ADGRV1: variants seen among roughly 807,000 people sequenced by gnomAD.
ADGRV1 encodes the protein adhesion G protein-coupled receptor V1, also known as G-protein coupled receptor 98.
A neutral mutation model predicts 596.2 loss-of-function variants in ADGRV1; 359 were observed. The observed-to-expected ratio is 0.60, with a 90% CI of 0.55 to 0.66. The LOEUF is 0.66. ADGRV1 is among the 30% of genes least tolerant of loss of function. The pLI, the probability that ADGRV1 is intolerant of heterozygous loss-of-function variation, is 0.00. For missense variants in ADGRV1, 7,274 were observed against 7,575.6 expected, an observed-to-expected ratio of 0.96 and a Z score of 1.48; for synonymous variants, 2,681 against 2,679.2, an observed-to-expected ratio of 1.00 and a Z score of -0.02.
chr5:90,564,246 C>G (rs1268475432), intron 1 of ADGRV1, among the ~76,000 whole-genome samples: 4 of 152,132 alleles, frequency 2.6e-5, no homozygotes, highest in Non-Finnish European at 5.9e-5. Flanking sequence ...TTTTATTTAA[C>G]TAATTTCAAC....
intron 87 of ADGRV1, among the ~76,000 whole-genome samples, chr5:91,122,554 A>G (rs376767588): frequency 6.6e-6 from 1 of 152,206 alleles, no homozygotes; most frequent in East Asian, 1.9e-4. Flanking sequence ...CTTTTTGGGA[A>G]AATTATTTTG....
intron 86 of ADGRV1, among the ~76,000 whole-genome samples, chr5:91,099,090 T>A (rs1334277120): frequency 1.3e-5 from 2 of 152,240 alleles, no homozygotes; most frequent in East Asian, 3.8e-4. Context: ...AATCTTAATG[T>A]ATATTTTCTT....
intron 83 of ADGRV1, among the ~76,000 whole-genome samples, chr5:90,894,613 C>T (rs1416281582): frequency 6.6e-6 from 1 of 152,154 alleles, no homozygotes; most frequent in Non-Finnish European, 1.5e-5. Context: ...CAGCAGTCAC[C>T]GACTCTGCAA....
At chr5:91,096,001 C>G (rs1024176533) in intron 86 of ADGRV1, among the ~76,000 whole-genome samples, 1 of 152,076 alleles carries the variant, frequency 6.6e-6, no homozygotes, top group Non-Finnish European at 1.5e-5. Context: ...CTCAGGTGAT[C>G]CCCCCACCTC....
In ADGRV1 at chr5:90,697,432, A is replaced by G. The variant is rs113994422; in HGVS notation, c.8155+286A>G. On this transcript the variant is annotated intron_variant, in intron 34 of 89. Transcript: ENST00000405460. ...GTTTTCCCATTTGTTAAATGATTCA[A>G]AATATTACTTCATAGGTTTCTTTGT... Among the ~76,000 whole-genome samples, 1,100 of 150,818 alleles carry G rather than the reference A, an allele frequency of 7.3e-3. 16 individuals carry two copies. Among genetic ancestry groups the G allele is most frequent in the African/African-American group, 0.026 (1,060 of 40,202 alleles).
At chr5:90,815,590 A>G (rs934520122) in intron 74 of ADGRV1, 29 bp from the exon 75 acceptor site, 4 of 1,228,332 alleles carry the variant, frequency 3.3e-6, no homozygotes, top group Non-Finnish European at 4.7e-6. Flanking sequence ...ATTCTTGAAT[A>G]TATTATAGCC....
intron 84 of ADGRV1, among the ~76,000 whole-genome samples, chr5:90,979,935 A>C (rs897325944): frequency 3.3e-5 from 5 of 152,208 alleles, no homozygotes; most frequent in Admixed American, 3.3e-4. Context: ...CATCTATATA[A>C]CTTATTATTC....
chr5:90,701,639 T>C (rs1010954823), intron 34 of ADGRV1, among the ~76,000 whole-genome samples: 10 of 152,006 alleles, frequency 6.6e-5, no homozygotes, highest in African/African-American at 2.4e-4. Context: ...AATTATATTT[T>C]TGCAGTATTT....
At chr5:90,959,637 C>T (rs536364163) in intron 83 of ADGRV1, among the ~76,000 whole-genome samples, 11 of 151,834 alleles carry the variant, frequency 7.2e-5, no homozygotes, top group Non-Finnish European at 1.5e-4. Flanking sequence ...TTAGAGAGTC[C>T]AGAAATAGAC....
chr5:90,844,557 A>G (rs1423834618), intron 78 of ADGRV1, among the ~76,000 whole-genome samples: 2 of 152,250 alleles, frequency 1.3e-5, no homozygotes, highest in East Asian at 1.9e-4. Context: ...AAATATTTTA[A>G]AAGCTCTTAG....
chr5:91,151,999 G>A (rs1057485299), intron 88 of ADGRV1, among the ~76,000 whole-genome samples: 3 of 152,216 alleles, frequency 2.0e-5, no homozygotes, highest in African/African-American at 7.2e-5. Flanking sequence ...GGCAGTAGCT[G>A]TAACCTGTCT....
intron 85 of ADGRV1, among the ~76,000 whole-genome samples, chr5:91,057,481 C>T (rs1018215256): frequency 1.3e-5 from 2 of 152,110 alleles, no homozygotes; most frequent in African/African-American, 4.8e-5. Flanking sequence ...AAGGAGACAG[C>T]CTTACATTGT....
At chr5:90,994,440 A>G (rs1781243889) in intron 85 of ADGRV1, among the ~76,000 whole-genome samples, 1 of 152,008 alleles carries the variant, frequency 6.6e-6, no homozygotes, top group African/African-American at 2.4e-5. Context: ...GATATTTTCT[A>G]TTTGATGTCA....
Position 90,703,755 on chromosome 5 carries a change from T to G in ADGRV1, c.8246T>G (p.Leu2749Arg), listed in dbSNP as rs1411506372. 6.2e-7 allele frequency: 1 copy of G among 1,603,598 alleles called. No individual in the cohort carries two copies. Among genetic ancestry groups the G allele is most frequent in the Admixed American group, 1.7e-5 (1 of 58,742 alleles). Reference sequence around the variant, plus strand: ...AAAATTATTGGGCAAAATCTAGAACTCAATTTTGCTAACTTTAGCGGACAA... The same window carrying G: ...AAAATTATTGGGCAAAATCTAGAACGCAATTTTGCTAACTTTAGCGGACAA... ...NWKIIGQNLELNFANFSGQLF... is the reference protein window; with the variant it reads ...NWKIIGQNLERNFANFSGQLF... Residue 2749 changes from leucine to arginine, a missense_variant, in exon 35 of 90, where the codon CTC becomes CGC. This residue lies in a region of ADGRV1 where 3,643 missense variants were observed against 3,809.2 expected (regional missense o/e 0.96). Transcript: ENST00000405460.
chr5:90,611,157 A>T (rs1158726425), intron 1 of ADGRV1, among the ~76,000 whole-genome samples: 1 of 151,976 alleles, frequency 6.6e-6, no homozygotes, highest in African/African-American at 2.4e-5. Context: ...TACAAATGTT[A>T]TGTTAAACTG....
chr5:90,993,942 A>T (rs1781187543), intron 85 of ADGRV1, among the ~76,000 whole-genome samples: 1 of 150,606 alleles, frequency 6.6e-6, no homozygotes, highest in African/African-American at 2.4e-5. Flanking sequence ...TTCCTCAGAC[A>T]TGGTAACCAC....
chr5:90,566,644 T>C (rs1004997978), intron 1 of ADGRV1, among the ~76,000 whole-genome samples: 1 of 152,128 alleles, frequency 6.6e-6, no homozygotes. Context: ...TCATTACTAA[T>C]GTATAGAAAT....
At chr5:90,581,980 A>G (rs952366700) in intron 1 of ADGRV1, among the ~76,000 whole-genome samples, 2 of 151,796 alleles carry the variant, frequency 1.3e-5, no homozygotes, top group Non-Finnish European at 1.5e-5. Flanking sequence ...ATTTCCATGT[A>G]TTGTGTAATT....
At chr5:90,875,133 T>C (rs770961086) in intron 83 of ADGRV1, among the ~76,000 whole-genome samples, 3 of 152,094 alleles carry the variant, frequency 2.0e-5, no homozygotes, top group Admixed American at 6.5e-5. Flanking sequence ...TGAGCTATGA[T>C]TGTGAATTAT....
Sources: allele counts gnomAD v4.1 joint callset (sites outside exome capture counted in the v4.1 genomes callset), GRCh38; gene constraint gnomAD v4.1.1; regional missense constraint gnomAD v4.1.1; transcripts MANE v1.5; gene names NCBI Gene and HGNC (gene_info 2026-07-23, HGNC 2026-07-21).